CPE: variants seen among roughly 807,000 people sequenced by gnomAD.
CPE encodes carbocypeptidase E.
In CPE, 17 loss-of-function variants were observed where a neutral mutation model predicts 53.5. That is an observed-to-expected ratio of 0.32 (90% CI 0.22 to 0.48). The LOEUF (loss-of-function observed/expected upper bound fraction) is 0.48. Among genes scored for constraint, CPE ranks in the 20% least tolerant of loss-of-function variants. The probability of loss-of-function intolerance (pLI) is 0.99; values close to 1 mark genes in which losing one functional copy is unlikely to be tolerated. For synonymous variants in CPE, 226 were observed against 228.8 expected (o/e 0.99, Z 0.11); for missense variants, 524 against 614.7 (o/e 0.85, Z 1.56).
Position 165,449,572 on chromosome 4 carries a change from C to T in CPE, c.308-14818C>T, listed in dbSNP as rs78526855. On this transcript the variant is annotated intron_variant, in intron 1 of 8. Transcript: ENST00000402744. ...AGTGTTGAAGAGAGAGTAACAGACC[C>T]GTAAAGAAAACCACAGTATTTCCTA... 1.5e-3 allele frequency among the ~76,000 whole-genome samples: 229 copies of T among 152,116 alleles called. 3 individuals are homozygous for T. In the East Asian group the frequency reaches 0.033, roughly 22 times the overall value.
chr4:165,436,881 T>C (rs1236767342), intron 1 of CPE, among the ~76,000 whole-genome samples: 3 of 152,184 alleles, frequency 2.0e-5, no homozygotes, highest in Admixed American at 6.5e-5. Context: ...AGCTTCTACT[T>C]TGCCCTCTAA....
At chr4:165,486,551 T>A (rs1732508340) in intron 5 of CPE, among the ~76,000 whole-genome samples, 1 of 152,050 alleles carries the variant, frequency 6.6e-6, no homozygotes, top group Admixed American at 6.5e-5. Context: ...CTAAATAAGA[T>A]GATTACAAGA....
At chr4:165,444,455 C>T (rs1442536331) in intron 1 of CPE, among the ~76,000 whole-genome samples, 2 of 151,552 alleles carry the variant, frequency 1.3e-5, no homozygotes, top group Non-Finnish European at 2.9e-5. Flanking sequence ...TGAGCTCAGG[C>T]ATTCGAGACC....
At chr4:165,467,253 T>A (rs539044915) in intron 2 of CPE, among the ~76,000 whole-genome samples, 19 of 152,202 alleles carry the variant, frequency 1.2e-4, no homozygotes, top group African/African-American at 4.6e-4. Flanking sequence ...AACCCAGGAG[T>A]TTGAGGTTAC....
chr4:165,484,300 A>C, intron 4 of CPE, 122 bp from the exon 5 acceptor site: 3 of 895,968 alleles, frequency 3.3e-6, no homozygotes, highest in Non-Finnish European at 5.0e-6. Flanking sequence ...TCTTTCCCAT[A>C]GTTATGTAGC....
rs750717332 is a variant in CPE, at chr4:165,482,336, A to G, written c.767A>G (p.Tyr256Cys). 1.2e-6 allele frequency: 2 copies of G among 1,612,972 alleles called. No individual in the cohort carries two copies. The highest frequency in any genetic ancestry group is 1.3e-5 in the African/African-American group (1 of 74,894). The change falls in exon 4 of 9, where the codon TAT becomes TGT. Residue 256 changes from tyrosine (Y) to cysteine (C), a missense_variant. By Grantham distance (194) the Tyr-to-Cys change is radical. Coordinates refer to ENST00000402744, the MANE Select transcript of CPE (RefSeq NM_001873.4). Reference protein sequence around the residue: ...NLHGGDLVANYPYDETRSGSA... With the variant: ...NLHGGDLVANCPYDETRSGSA... Reference sequence around the variant, plus strand: ...CATGGAGGAGACCTTGTGGCCAATTATCCATATGATGAGACGCGGAGTGGT... The same window carrying G: ...CATGGAGGAGACCTTGTGGCCAATTGTCCATATGATGAGACGCGGAGTGGT...
chr4:165,387,040 G>A (rs542797619), intron 1 of CPE, among the ~76,000 whole-genome samples: 1 of 152,134 alleles, frequency 6.6e-6, no homozygotes, highest in Admixed American at 6.5e-5. Context: ...TGGAATTGCC[G>A]TGAGTCCGTT....
chr4:165,427,764 T>G (rs11728337), intron 1 of CPE, among the ~76,000 whole-genome samples: 44,912 of 152,018 alleles, frequency 0.3, 6,726 homozygotes, highest in Middle Eastern at 0.39. Context: ...ATATTTTCCA[T>G]TGGATCTCCT....
At chr4:165,476,300 G>A (rs369404681) in intron 3 of CPE, among the ~76,000 whole-genome samples, 6 of 152,244 alleles carry the variant, frequency 3.9e-5, no homozygotes, top group African/African-American at 1.4e-4. Context: ...TGCTTCTGGG[G>A]GGTTGTGTCC....
At chr4:165,447,898 C>T (rs1351674479) in intron 1 of CPE, among the ~76,000 whole-genome samples, 3 of 152,158 alleles carry the variant, frequency 2.0e-5, no homozygotes, top group East Asian at 1.9e-4. Flanking sequence ...AACATAGGCC[C>T]TAGGCAATGG....
Position 165,496,430 on chromosome 4 carries a change from G to A in CPE, c.1332+753G>A, listed in dbSNP as rs142985144. On this transcript the variant is annotated intron_variant, in intron 8 of 8. Coordinates refer to ENST00000402744, the MANE Select transcript of CPE (RefSeq NM_001873.4). ...TGGGCTGTATATGTATTAAAATCAA[G>A]AGGTATATTTGGGTAACTGAAACCT... 3.5e-3 allele frequency among the ~76,000 whole-genome samples: 529 copies of A among 152,278 alleles called. 4 individuals are homozygous for A. Among genetic ancestry groups the A allele is most frequent in the African/African-American group, 0.012 (494 of 41,550 alleles).
chr4:165,474,087 C>G (rs961665176), intron 3 of CPE, among the ~76,000 whole-genome samples: 2 of 152,224 alleles, frequency 1.3e-5, no homozygotes, highest in African/African-American at 4.8e-5. Context: ...TGGCAGTTAC[C>G]TGAAGGAGTG....
At position 165,391,037 on chromosome 4, in the gene CPE, C is replaced by T. The variant is rs529368610; in HGVS notation, c.307+11509C>T. On this transcript the variant is annotated intron_variant, in intron 1 of 8. Transcript: ENST00000402744. ...TATTTTAACAAACATTTTCCCTTCT[C>T]CTTTGAGTCTATTTCAGTTTGCACA... is the stretch of plus-strand genomic sequence containing the variant. Among the ~76,000 whole-genome samples, 5 of 152,248 alleles carry T rather than the reference C, an allele frequency of 3.3e-5. No homozygotes were observed. The South Asian group carries it at 8.3e-4, about 25-fold the overall frequency.
chr4:165,466,795 C>T (rs564591834), intron 2 of CPE, among the ~76,000 whole-genome samples: 5 of 152,248 alleles, frequency 3.3e-5, no homozygotes, highest in South Asian at 4.1e-4. Flanking sequence ...GGATTACAGG[C>T]GTGAGCCACT....
At chr4:165,387,044 G>A (rs1341222326) in intron 1 of CPE, among the ~76,000 whole-genome samples, 3 of 152,190 alleles carry the variant, frequency 2.0e-5, no homozygotes, top group African/African-American at 4.8e-5. Flanking sequence ...ATTGCCGTGA[G>A]TCCGTTGCTC....
chr4:165,412,658 A>AG (rs1731060152), intron 1 of CPE, among the ~76,000 whole-genome samples: 1 of 152,242 alleles, frequency 6.6e-6, no homozygotes, highest in Non-Finnish European at 1.5e-5. Context: ...TCAGGCAGGC[A>AG]GCATTGCCAC....
In CPE at chr4:165,380,664, C is replaced by A. The variant is rs1730493366; in HGVS notation, c.307+1136C>A. Among the ~76,000 whole-genome samples the A allele has an allele frequency of 2.6e-5, 4 of 151,996 alleles. No homozygotes were observed. The South Asian group carries it at 8.3e-4, about 32-fold the overall frequency. Reference sequence around the variant, plus strand: ...ATAGTTTTATAATGATACGTAAGAACCAAACTGAGAAGAGATTAAAATAAG... The same window carrying A: ...ATAGTTTTATAATGATACGTAAGAAACAAACTGAGAAGAGATTAAAATAAG... On this transcript the variant is annotated intron_variant, in intron 1 of 8. Transcript: ENST00000402744.
chr4:165,453,515 G>T (rs1731849380), intron 1 of CPE, among the ~76,000 whole-genome samples: 1 of 151,986 alleles, frequency 6.6e-6, no homozygotes, highest in Admixed American at 6.6e-5. Flanking sequence ...CTCCTGAGTA[G>T]CTGGAACCAC....
intron 1 of CPE, among the ~76,000 whole-genome samples, chr4:165,408,167 G>T (rs1730981832): frequency 6.6e-6 from 1 of 152,038 alleles, no homozygotes; most frequent in Non-Finnish European, 1.5e-5. Flanking sequence ...ATTTTGATGT[G>T]GTCCAATTTA....
Sources: allele counts gnomAD v4.1 joint callset (sites outside exome capture counted in the v4.1 genomes callset), GRCh38; gene constraint gnomAD v4.1.1; transcripts MANE v1.5; gene names NCBI Gene and HGNC (gene_info 2026-07-23, HGNC 2026-07-21).